Variants in SLC14A2 observed in about 807,000 individuals in gnomAD.
The protein encoded by SLC14A2 is solute carrier family 14 member 2.
In SLC14A2, 91 loss-of-function variants were observed where a neutral mutation model predicts 104.6. The ratio of observed to expected loss-of-function variants is 0.87; its 90% confidence interval spans 0.73 to 1.04. The LOEUF (loss-of-function observed/expected upper bound fraction) is 1.04. Ranked by LOEUF, SLC14A2 falls within the 50% of genes least tolerant of loss-of-function variation. The probability of loss-of-function intolerance (pLI) is 0.00; values close to 1 mark genes in which losing one functional copy is unlikely to be tolerated. For missense variants in SLC14A2, 1,189 were observed against 1,156.0 expected, an observed-to-expected ratio of 1.03 and a Z score of -0.41; for synonymous variants, 476 against 466.4, an observed-to-expected ratio of 1.02 and a Z score of -0.27.
At chr18:45,650,800 C>T (rs979169132) in intron 10 of SLC14A2, among the ~76,000 whole-genome samples, 12 of 152,178 alleles carry the variant, frequency 7.9e-5, no homozygotes, top group African/African-American at 1.7e-4. Flanking sequence ...AGTGCAATGG[C>T]ACGATCTCGG....
intron 1 of SLC14A2, among the ~76,000 whole-genome samples, chr18:45,468,320 T>C (rs2087182255): frequency 6.6e-6 from 1 of 152,020 alleles, no homozygotes; most frequent in African/African-American, 2.4e-5. Flanking sequence ...GTATCTTCAC[T>C]GGGAGGGAGA....
intron 1 of SLC14A2, among the ~76,000 whole-genome samples, chr18:45,224,874 G>A (rs1423143596): frequency 2.0e-5 from 3 of 152,260 alleles, no homozygotes; most frequent in African/African-American, 4.8e-5. Context: ...AATGAGGGTA[G>A]TTCTATCAGT....
At chr18:45,611,799 T>A (rs79943232), upstream of SLC14A2, among the ~76,000 whole-genome samples, 6 of 152,114 alleles carry the variant, frequency 3.9e-5, no homozygotes, top group South Asian at 1.2e-3. Context: ...TCACTGACCC[T>A]GCAAAACAAG....
chr18:45,679,073 CCT>C (rs772205682), intron 19 of SLC14A2, 49 bp downstream of exon 19: 16 of 1,567,756 alleles, frequency 1.0e-5, no homozygotes, highest in Admixed American at 1.8e-5. Context: ...TTCCTGGTGT[CCT>C]CTTGGCTTCC....
At chr18:45,329,737 C>G (rs1258138159) in intron 1 of SLC14A2, among the ~76,000 whole-genome samples, 1 of 152,136 alleles carries the variant, frequency 6.6e-6, no homozygotes, top group African/African-American at 2.4e-5. Context: ...GTGCCCAGCA[C>G]AGTGCTTGAC....
At chr18:45,510,824 G>T (rs1387724051) in intron 2 of SLC14A2, among the ~76,000 whole-genome samples, 1 of 152,208 alleles carries the variant, frequency 6.6e-6, no homozygotes, top group Non-Finnish European at 1.5e-5. Flanking sequence ...ATTTGCAAAG[G>T]CCACTCACCT....
chr18:45,526,373 G>C (rs997783948), intron 2 of SLC14A2, among the ~76,000 whole-genome samples: 1 of 152,218 alleles, frequency 6.6e-6, no homozygotes, highest in Non-Finnish European at 1.5e-5. Context: ...TGGTGCCTGA[G>C]AGGCAGGCTT....
chr18:45,643,232 T>A, intron 9 of SLC14A2, 51 bp downstream of exon 9: 1 of 1,511,762 alleles, frequency 6.6e-7, no homozygotes. Flanking sequence ...TCCCAGAGCT[T>A]CTGGACATAT....
At chr18:45,370,168 G>C (rs1037193454) in intron 1 of SLC14A2, among the ~76,000 whole-genome samples, 4 of 152,110 alleles carry the variant, frequency 2.6e-5, no homozygotes, top group African/African-American at 9.7e-5. Context: ...ACAGAAACAG[G>C]ATTACTCCCC....
chr18:45,231,531 A>C (rs76544251), intron 1 of SLC14A2, among the ~76,000 whole-genome samples: 2,388 of 152,306 alleles, frequency 0.016, 71 homozygotes, highest in African/African-American at 0.052. Context: ...TTGATGATTA[A>C]GCTAGTGCTT....
chr18:45,506,233 C>A (rs890055746), intron 2 of SLC14A2, among the ~76,000 whole-genome samples: 1 of 152,122 alleles, frequency 6.6e-6, no homozygotes, highest in Non-Finnish European at 1.5e-5. Flanking sequence ...TGAGACCTGC[C>A]CTTCACTTTA....
At chr18:45,391,180 G>T (rs1568179178) in intron 1 of SLC14A2, among the ~76,000 whole-genome samples, 2 of 152,040 alleles carry the variant, frequency 1.3e-5, no homozygotes, top group African/African-American at 2.4e-5. Flanking sequence ...GTGGTGTTTG[G>T]TTTTTTGTCC....
intron 1 of SLC14A2, among the ~76,000 whole-genome samples, chr18:45,464,612 AT>A (rs1186204216): frequency 1.3e-5 from 2 of 152,240 alleles, no homozygotes; most frequent in East Asian, 1.9e-4. Context: ...TGTAATTTCT[AT>A]TTTTTGCTGC....
intron 1 of SLC14A2, among the ~76,000 whole-genome samples, chr18:45,407,625 C>T (rs9959287): frequency 6.6e-6 from 1 of 152,120 alleles, no homozygotes; most frequent in Non-Finnish European, 1.5e-5. Flanking sequence ...AAAACTTAAT[C>T]ATGTCTAGCT....
intron 1 of SLC14A2, among the ~76,000 whole-genome samples, chr18:45,226,802 AAATAAT>A (rs143475234): frequency 1.3e-5 from 2 of 151,672 alleles, no homozygotes; most frequent in African/African-American, 2.4e-5. Context: ...CCTAGAACTT[AAATAAT>A]AATAATAATA....
intron 5 of SLC14A2, among the ~76,000 whole-genome samples, chr18:45,636,462 G>A (rs891352997): frequency 6.6e-6 from 1 of 152,194 alleles, no homozygotes; most frequent in Admixed American, 6.5e-5. Context: ...ACAAACAACT[G>A]AAGGTTCTAT....
At chr18:45,168,229 AG>A in the SLC14A2 span, among the ~76,000 whole-genome samples, 2 of 152,228 alleles carry the variant, frequency 1.3e-5, no homozygotes, top group African/African-American at 4.8e-5. Flanking sequence ...ACTGGCAAAA[AG>A]GTGAGTTGCT....
intron 10 of SLC14A2, among the ~76,000 whole-genome samples, chr18:45,655,535 G>A (rs1045185603): frequency 6.6e-6 from 1 of 152,316 alleles, no homozygotes; most frequent in Non-Finnish European, 1.5e-5. Context: ...GGATCATTGT[G>A]TTGACAAGGA....
At chr18:45,472,492 A>G (rs1221408776) in intron 1 of SLC14A2, among the ~76,000 whole-genome samples, 1 of 152,206 alleles carries the variant, frequency 6.6e-6, no homozygotes. Context: ...CACTCCCACC[A>G]ACAGTGTAAA....
Sources: gnomAD v4.1 joint callset for allele counts (sites outside exome capture counted in the v4.1 genomes callset) on GRCh38, gnomAD v4.1.1 for gene constraint, MANE v1.5 for transcripts, NCBI Gene and HGNC (gene_info 2026-07-23, HGNC 2026-07-21) for gene names.